The following COL21A1 variants were observed in gnomAD, a reference collection of about 807,000 sequenced individuals.
COL21A1 encodes collagen alpha-1(XXI) chain.
Under a neutral mutation model 137.9 loss-of-function variants are expected in COL21A1, and 149 were observed. The ratio of observed to expected loss-of-function variants is 1.08; its 90% confidence interval spans 0.95 to 1.24. The LOEUF (loss-of-function observed/expected upper bound fraction) is 1.24, where lower values mean the gene tolerates loss of function less well. COL21A1 is among the 50% of genes most tolerant of loss of function. The pLI is 0.00. For missense variants in COL21A1, 1,167 were observed against 1,158.4 expected (o/e 1.01, Z -0.11); for synonymous variants, 456 against 391.5 (o/e 1.16, Z -1.95).
At chr6:56,246,604 C>A (rs963204258) in intron 1 of COL21A1, among the ~76,000 whole-genome samples, 2 of 152,104 alleles carry the variant, frequency 1.3e-5, no homozygotes, top group South Asian at 2.1e-4. Context: ...TCCAACCCAA[C>A]AGTTTTCAAA....
intron 16 of COL21A1, among the ~76,000 whole-genome samples, chr6:56,112,248 C>T (rs1189448135): frequency 6.6e-6 from 1 of 152,046 alleles, no homozygotes; most frequent in East Asian, 1.9e-4. Flanking sequence ...AAAAATGAGA[C>T]CTGATTTTTA....
chr6:56,139,084 G>C (rs1431329966), intron 12 of COL21A1, among the ~76,000 whole-genome samples: 1 of 152,034 alleles, frequency 6.6e-6, no homozygotes, highest in East Asian at 1.9e-4. Flanking sequence ...TAGACATAGT[G>C]GGAAGACATT....
At chr6:56,150,552 ACACACACACACAC>A (rs1561920251) in intron 10 of COL21A1, among the ~76,000 whole-genome samples, 33 of 151,134 alleles carry the variant, frequency 2.2e-4, no homozygotes, top group Non-Finnish European at 3.7e-4. Context: ...ACACACACAC[ACACACACACACAC>A]AAGAGTGGGG....
chr6:56,100,709 C>T (rs1395936833), intron 17 of COL21A1, among the ~76,000 whole-genome samples: 2 of 152,028 alleles, frequency 1.3e-5, no homozygotes, highest in Non-Finnish European at 2.9e-5. Flanking sequence ...TGAAATTCAA[C>T]GAAAATTTTA....
chr6:56,178,365 TA>T (rs1343665561), intron 3 of COL21A1, among the ~76,000 whole-genome samples: 2 of 152,264 alleles, frequency 1.3e-5, no homozygotes, highest in African/African-American at 4.8e-5. Flanking sequence ...TTGTACTTAT[TA>T]CAGTACCTTT....
chr6:56,270,786 C>T (rs1270615913), intron 1 of COL21A1, among the ~76,000 whole-genome samples: 2 of 152,156 alleles, frequency 1.3e-5, no homozygotes, highest in Admixed American at 6.5e-5. Context: ...AAGACTGTGG[C>T]ACTTCCTCCC....
intron 19 of COL21A1, among the ~76,000 whole-genome samples, chr6:56,074,933 G>A (rs2114116877): frequency 6.6e-6 from 1 of 151,078 alleles, no homozygotes; most frequent in East Asian, 2.0e-4. Flanking sequence ...CAGACAATTT[G>A]ATTCATATAT....
intron 17 of COL21A1, among the ~76,000 whole-genome samples, chr6:56,085,557 T>C (rs1768161097): frequency 6.6e-6 from 1 of 152,118 alleles, no homozygotes; most frequent in Non-Finnish European, 1.5e-5. Flanking sequence ...TCTTTTCTTG[T>C]ACCAATATCA....
At chr6:56,067,029 T>C (rs1329797979) in intron 23 of COL21A1, among the ~76,000 whole-genome samples, 1 of 150,362 alleles carries the variant, frequency 6.7e-6, no homozygotes, top group Non-Finnish European at 1.5e-5. Flanking sequence ...TATATGTATA[T>C]AAATACATAT....
rs760970638 is a variant in COL21A1, at chr6:56,137,195, G to C, written c.1542+4590C>G. Among the ~76,000 whole-genome samples the C allele has an allele frequency of 2.0e-5, 3 of 152,242 alleles. No homozygotes were observed. The South Asian group carries it at 6.2e-4, about 32-fold the overall frequency. ...ATTTACTTCACAATTAATCTAAAAT[G>C]AGCACAGTATGACTTACTGTACTAA... On this transcript the variant is annotated intron_variant, in intron 12 of 29. Transcript: ENST00000244728.
chr6:56,234,408 A>T (rs1781776304), intron 1 of COL21A1, among the ~76,000 whole-genome samples: 1 of 151,824 alleles, frequency 6.6e-6, no homozygotes, highest in African/African-American at 2.4e-5. Context: ...TATAAGATGC[A>T]CTTCCTAAGA....
rs1246670079 is a variant in COL21A1, at chr6:56,098,647, A to AT, written c.1812+2824_1812+2825insA. The stretch of plus-strand genomic sequence containing the variant: ...TATAAATATATATATAAATATATAT[A>AT]AATATATAAATATATATAAATATAT... On this transcript the variant is annotated intron_variant, in intron 17 of 29. Transcript: ENST00000244728. Among the ~76,000 whole-genome samples, 43 of 49,346 alleles carry AT rather than the reference A, an allele frequency of 8.7e-4. 7 individuals are homozygous for AT. The highest frequency in any genetic ancestry group is 1.6e-3 in the African/African-American group (13 of 8,190). The allele number at this position is 49,346 out of a possible 152,430, so 32.4% of individuals were successfully genotyped here.
intron 1 of COL21A1, among the ~76,000 whole-genome samples, chr6:56,386,376 A>G (rs1234002577): frequency 6.6e-6 from 1 of 152,194 alleles, no homozygotes; most frequent in Non-Finnish European, 1.5e-5. Flanking sequence ...GCTGCTATAC[A>G]TAGTGTTTGG....
chr6:56,322,995 T>TAATAGACAC (rs758189416), intron 1 of COL21A1, among the ~76,000 whole-genome samples: 3 of 151,648 alleles, frequency 2.0e-5, no homozygotes, highest in Non-Finnish European at 2.9e-5. Flanking sequence ...GAGAGTGGAA[T>TAATAGACAC]AATAGACACT....
rs1249980748 is a variant in COL21A1 at position 56,260,870 on chromosome 6, GTGTGTGTA to G, written c.-38-78222_-38-78215del. Among the ~76,000 whole-genome samples, 1,373 of 142,686 alleles carry G rather than the reference GTGTGTGTA, an allele frequency of 9.6e-3. 11 individuals are homozygous for G. The highest frequency in any genetic ancestry group is 0.016 in the Non-Finnish European group (999 of 62,736). The allele number at this position is 142,686 out of a possible 152,430, so 93.6% of individuals were successfully genotyped here. On this transcript the variant is annotated intron_variant, in intron 1 of 28. Transcript: ENST00000370819. ...TCACTGTGTGTGTGTGTGTGTGTGTGTGTGTGTATGTGTGTGTGTGTGTACCTTTTATA... is the reference window on the plus strand; with the variant it reads ...TCACTGTGTGTGTGTGTGTGTGTGTGTGTGTGTGTGTGTGTACCTTTTATA...
At chr6:56,351,228 T>C (rs2152346897) in intron 1 of COL21A1, among the ~76,000 whole-genome samples, 1 of 152,362 alleles carries the variant, frequency 6.6e-6, no homozygotes, top group East Asian at 1.9e-4. Context: ...GTTGTATTCT[T>C]TGAAGGCCAC....
chr6:56,290,779 CG>C (rs1562042011), intron 1 of COL21A1, among the ~76,000 whole-genome samples: 1 of 152,096 alleles, frequency 6.6e-6, no homozygotes, highest in Non-Finnish European at 1.5e-5. Context: ...GGATTACAGG[CG>C]TGAGCCACCA....
intron 16 of COL21A1, among the ~76,000 whole-genome samples, chr6:56,104,471 C>T (rs994603688): frequency 5.9e-5 from 9 of 151,996 alleles, no homozygotes; most frequent in Non-Finnish European, 1.2e-4. Flanking sequence ...TGGCATTTTC[C>T]TTGAAATAAT....
At chr6:56,307,586 G>T (rs1363864772) in intron 1 of COL21A1, among the ~76,000 whole-genome samples, 1 of 152,206 alleles carries the variant, frequency 6.6e-6, no homozygotes, top group Non-Finnish European at 1.5e-5. Flanking sequence ...ACAGTATTAG[G>T]GTGGGAGTGA....
Sources: allele counts gnomAD v4.1 joint callset (sites outside exome capture counted in the v4.1 genomes callset), GRCh38; gene constraint gnomAD v4.1.1; transcripts MANE v1.5; gene names NCBI Gene and HGNC (gene_info 2026-07-23, HGNC 2026-07-21).